Variants in COL3A1 observed in about 807,000 individuals in gnomAD.
COL3A1 encodes collagen alpha-1(III) chain.
COL3A1 carries 46 observed loss-of-function variants against 200.9 expected under a neutral mutation model. That is an observed-to-expected ratio of 0.23 (90% CI 0.18 to 0.29). COL3A1 has a LOEUF of 0.29. COL3A1 is among the 10% of genes least tolerant of loss of function. The probability of loss-of-function intolerance (pLI) is 1.00; values close to 1 mark genes in which losing one functional copy is unlikely to be tolerated. For synonymous variants in COL3A1, 650 were observed against 628.0 expected, an observed-to-expected ratio of 1.03 and a Z score of -0.52; for missense variants, 1,367 against 1,917.6, an observed-to-expected ratio of 0.71 and a Z score of 5.36.
At chr2:188,988,708 C>T in intron 7 of COL3A1, 65 bp downstream of exon 7, 1 of 1,116,968 alleles carries the variant, frequency 9.0e-7, no homozygotes, top group Non-Finnish European at 1.4e-6. Flanking sequence ...CCTTTGTTTT[C>T]TAAAACAAGT....
intron 4 of COL3A1, 143 bp downstream of exon 4, chr2:188,985,921 G>A: frequency 1.5e-6 from 1 of 681,478 alleles, no homozygotes; most frequent in Middle Eastern, 4.0e-4. Context: ...CTTATTTAGT[G>A]CTTCTATGTA....
rs1429469774 is a variant in COL3A1, at chr2:188,996,141, C to A, written c.1625C>A (p.Pro542Gln). 1 of 1,613,562 alleles carries A rather than the reference C, an allele frequency of 6.2e-7. No individual in the cohort carries two copies. Among genetic ancestry groups the A allele is most frequent in the South Asian group, 1.1e-5 (1 of 91,054 alleles). The change falls in exon 23 of 51, where the codon CCA (proline) becomes CAA (glutamine). Residue 542 changes from proline (P) to glutamine (Q), a missense_variant. By Grantham distance (76) the Pro-to-Gln change is moderately conservative (BLOSUM62 -1). Coordinates refer to ENST00000304636, the MANE Select transcript of COL3A1 (RefSeq NM_000090.4). ...GPGMRGMPGSPGGPGSDGKPG... is the reference protein window; with the variant it reads ...GPGMRGMPGSQGGPGSDGKPG... The stretch of plus-strand genomic sequence containing the variant: ...TTACTTCAGGGCATGCCCGGAAGTC[C>A]AGGAGGACCAGGAAGTGATGGGAAA...
intron 10 of COL3A1, 22 bp from the exon 11 acceptor site, chr2:188,990,982 G>T (rs768546678): frequency 1.2e-6 from 2 of 1,609,518 alleles, no homozygotes; most frequent in Non-Finnish European, 1.7e-6. Flanking sequence ...TAATAATTTT[G>T]CTGGTTTTAT....
intron 5 of COL3A1, among the ~76,000 whole-genome samples, chr2:188,987,388 A>G (rs568826862): frequency 4.6e-4 from 70 of 152,096 alleles, no homozygotes; most frequent in African/African-American, 1.6e-3. Flanking sequence ...ACTTATTAAC[A>G]TCTCAGAAAA....
rs62181727 is a variant in COL3A1, at chr2:188,990,541, A to G, written c.798+181A>G. Among the ~76,000 whole-genome samples, 30,074 of 152,102 alleles carry G rather than the reference A, an allele frequency of 0.2. 3,593 individuals carry two copies. Among genetic ancestry groups the G allele is most frequent in the Middle Eastern group, 0.32 (94 of 292 alleles). On this transcript the variant is annotated intron_variant, in intron 10 of 50. Transcript: ENST00000304636. Reference sequence around the variant, plus strand: ...CTAGTCATTTTTTGCAAAATAAAGGAGTTGATTTCTAGTGTATAAAGTACT... The same window carrying G: ...CTAGTCATTTTTTGCAAAATAAAGGGGTTGATTTCTAGTGTATAAAGTACT...
rs1553507953 is a variant in COL3A1 at position 188,994,585 on chromosome 2, T to A, written c.1338T>A (p.Arg446=). The change falls in exon 19 of 51, where the codon CGT becomes CGA. Residue 446 remains arginine (R), a synonymous_variant. Coordinates refer to ENST00000304636, the MANE Select transcript of COL3A1 (RefSeq NM_000090.4). This position sits in a 1 kb window ranked among gnomAD's most constrained non-coding sequence, Gnocchi z 4.5. ...GTGCCAAAGGAGAGCCCGGACCACG[T>A]GGTGAACGCGTAAGTTTTACTGCAA... ...KNGAKGEPGP[R]GERGEAGIPG... 6.2e-7 allele frequency: 1 copy of A among 1,614,056 alleles called. No homozygotes were observed. The highest frequency in any genetic ancestry group is 8.5e-7 in the Non-Finnish European group (1 of 1,180,034).
At chr2:189,002,886 G>T (rs755847574) in intron 35 of COL3A1, 69 bp from the exon 36 acceptor site, 18 of 1,179,204 alleles carry the variant, frequency 1.5e-5, no homozygotes, top group Non-Finnish European at 2.2e-5. Context: ...ATTCTGAAGA[G>T]AAATAATAAT....
intron 31 of COL3A1, 31 bp from the exon 32 acceptor site, chr2:188,999,811 G>T: frequency 6.3e-7 from 1 of 1,582,810 alleles, no homozygotes; most frequent in Non-Finnish European, 8.6e-7. Context: ...AAGATACTTT[G>T]AATCTGATGA....
chr2:188,988,528 A>G, intron 6 of COL3A1, 62 bp from the exon 7 acceptor site: 1 of 1,151,068 alleles, frequency 8.7e-7, no homozygotes, highest in Non-Finnish European at 1.3e-6. Flanking sequence ...TACTGTCAAG[A>G]TGTAAATGAA....
chr2:188,999,411 G>A lies in COL3A1; in HGVS notation c.2121+28G>A, dbSNP rs372040344. ...AACTCCACAGCATTCCATTCACCTAGGTTTAAAAAATGCATTTGATTTCCT... is the reference window on the plus strand; with the variant it reads ...AACTCCACAGCATTCCATTCACCTAAGTTTAAAAAATGCATTTGATTTCCT... On this transcript the variant is annotated intron_variant, in intron 30 of 50. Coordinates refer to ENST00000304636, the MANE Select transcript of COL3A1 (RefSeq NM_000090.4). 45 of 1,613,646 alleles carry A rather than the reference G, an allele frequency of 2.8e-5. No individual in the cohort carries two copies. In the African/African-American group the frequency reaches 5.2e-4, roughly 19 times the overall value.
At chr2:189,010,111 A>G (rs1688687428) in intron 48 of COL3A1, 67 bp from the exon 49 acceptor site, 6 of 1,510,622 alleles carry the variant, frequency 4.0e-6, no homozygotes, top group Non-Finnish European at 5.5e-6. Context: ...CTTTACAGGT[A>G]AACAAACAAA....
chr2:188,975,816 T>C (rs538756135), intron 1 of COL3A1, among the ~76,000 whole-genome samples: 1 of 152,038 alleles, frequency 6.6e-6, no homozygotes, highest in Non-Finnish European at 1.5e-5. Context: ...TCTCCTTCGC[T>C]TTGCCCTCCT....
chr2:188,979,213 A>G (rs1196238936), intron 1 of COL3A1, among the ~76,000 whole-genome samples: 4 of 152,078 alleles, frequency 2.6e-5, no homozygotes, highest in South Asian at 2.1e-4. Flanking sequence ...CTGTTTTTCT[A>G]TAGTATTTTG....
rs868372765 is a variant in COL3A1, at chr2:189,009,048, C to T, written c.3650C>T (p.Ala1217Val). The T allele has an allele frequency of 2.5e-6, 4 of 1,614,152 alleles. No individual in the cohort carries two copies. Among genetic ancestry groups the T allele is most frequent in the Non-Finnish European group, 3.4e-6 (4 of 1,180,026 alleles). ...GGAGGTGAAAAAGCTGGCGGTTTTG[C>T]CCCGTATTATGGAGATGAACCAATG... ...GIGGEKAGGF[A>V]PYYGDEPMDF... Residue 1217 changes from alanine to valine, a missense_variant, in exon 48 of 51, where the codon GCC becomes GTC. Ala to Val is a moderately conservative substitution (Grantham distance 64). Around this residue, in one of 5 missense-constraint regions of COL3A1, gnomAD observed 846 missense variants for 1,147.9 expected, o/e 0.74. Transcript: ENST00000304636.
In COL3A1 at chr2:188,999,207, T is replaced by G. The variant is rs1029735832; in HGVS notation, c.2023-78T>G. ...CAATATAATAACCTAGTGGCCTGAT[T>G]CAAAATGATGCAAGTTAAGGTGCTT... On this transcript the variant is annotated intron_variant, in intron 29 of 50. Coordinates refer to ENST00000304636, the MANE Select transcript of COL3A1 (RefSeq NM_000090.4). The G allele has an allele frequency of 1.0e-5, 14 of 1,341,442 alleles. No homozygotes were observed. The East Asian group carries it at 3.3e-4, about 31-fold the overall frequency. The allele number at this position is 1,341,442 out of a possible 1,614,324, so 83.1% of individuals were successfully genotyped here.
chr2:189,007,362 C>T (rs993190569), intron 44 of COL3A1, 138 bp from the exon 45 acceptor site: 3 of 649,748 alleles, frequency 4.6e-6, no homozygotes, highest in East Asian at 2.8e-5. Flanking sequence ...AATCTCATTT[C>T]CTATCTGAAG....
At chr2:188,997,655 T>C in intron 26 of COL3A1, 45 bp from the exon 27 acceptor site, 1 of 1,574,776 alleles carries the variant, frequency 6.4e-7, no homozygotes, top group East Asian at 2.2e-5. Flanking sequence ...GTAGACTAAA[T>C]ATAAAAGGAT....
At chr2:188,999,952 C>T in intron 32 of COL3A1, 57 bp downstream of exon 32, 1 of 1,521,180 alleles carries the variant, frequency 6.6e-7, no homozygotes, top group Non-Finnish European at 9.0e-7. Flanking sequence ...TGGGACAGTC[C>T]TGCACTTCAA....
intron 7 of COL3A1, among the ~76,000 whole-genome samples, 159 bp downstream of exon 7, chr2:188,988,802 T>C (rs1688116469): frequency 6.6e-6 from 1 of 152,082 alleles, no homozygotes; most frequent in African/African-American, 2.4e-5. Flanking sequence ...TTGGACTCTT[T>C]CAATTGTTAG....
Sources: allele counts gnomAD v4.1 joint callset (sites outside exome capture counted in the v4.1 genomes callset), GRCh38; gene constraint gnomAD v4.1.1; regional missense constraint gnomAD v4.1.1; non-coding constraint Gnocchi (gnomAD v3.1); transcripts MANE v1.5; gene names NCBI Gene and HGNC (gene_info 2026-07-23, HGNC 2026-07-21).